CNTNAP2: variants seen among roughly 807,000 people sequenced by gnomAD.
CNTNAP2 encodes the protein contactin-associated protein-like 2.
In CNTNAP2, 98 loss-of-function variants were observed where a neutral mutation model predicts 155.2. That is an observed-to-expected ratio of 0.63 (90% CI 0.54 to 0.75). The LOEUF (loss-of-function observed/expected upper bound fraction) is 0.75, where lower values mean the gene tolerates loss of function less well. CNTNAP2 is among the 30% of genes least tolerant of loss of function. The pLI is 0.00. For missense variants in CNTNAP2, 1,727 were observed against 1,688.1 expected, an observed-to-expected ratio of 1.02 and a Z score of -0.40; for synonymous variants, 651 against 631.2, an observed-to-expected ratio of 1.03 and a Z score of -0.47.
chr7:147,201,189 A>G (rs1167009015), intron 8 of CNTNAP2, among the ~76,000 whole-genome samples: 1 of 152,240 alleles, frequency 6.6e-6, no homozygotes, highest in Non-Finnish European at 1.5e-5. Flanking sequence ...GGCCTACTCT[A>G]TATCTAAAAC....
At chr7:147,379,238 A>G (rs1312250790) in intron 9 of CNTNAP2, among the ~76,000 whole-genome samples, 1 of 152,066 alleles carries the variant, frequency 6.6e-6, no homozygotes, top group Non-Finnish European at 1.5e-5. Context: ...ATTACAGTAT[A>G]TCTTATTCTT....
intron 12 of CNTNAP2, among the ~76,000 whole-genome samples, chr7:147,604,025 G>A (rs1164155359): frequency 2.0e-5 from 3 of 152,088 alleles, no homozygotes; most frequent in African/African-American, 7.2e-5. Context: ...CCATATGTAG[G>A]AAGCTGAAAT....
chr7:146,982,160 C>T lies in CNTNAP2; in HGVS notation c.403-61747C>T, dbSNP rs76730058. On this transcript the variant is annotated intron_variant, in intron 3 of 23. Coordinates refer to ENST00000361727, the MANE Select transcript of CNTNAP2 (RefSeq NM_014141.6). ...GGCTGGTTTGGCCCATAGGCTATAACCCCTGGTATATAGAGCCATTAACAT... is the reference window on the plus strand; with the variant it reads ...GGCTGGTTTGGCCCATAGGCTATAATCCCTGGTATATAGAGCCATTAACAT... Among the ~76,000 whole-genome samples, 45 of 152,150 alleles carry T rather than the reference C, an allele frequency of 3.0e-4. 2 individuals carry two copies. In the East Asian group the frequency reaches 6.8e-3, roughly 23 times the overall value.
rs912628197 is a variant in CNTNAP2 at position 147,959,362 on chromosome 7, C to T, written c.2256-18500C>T. Among the ~76,000 whole-genome samples the T allele has an allele frequency of 1.3e-4, 20 of 152,176 alleles. 1 individual carries two copies. The South Asian group carries it at 2.7e-3, about 21-fold the overall frequency. The stretch of plus-strand genomic sequence containing the variant: ...CCAATGCTCAGGACACTGAATCCAG[C>T]TCAAGTACCCACCATGAGTTTGATG... On this transcript the variant is annotated intron_variant, in intron 14 of 23. Transcript: ENST00000361727.
chr7:146,562,507 C>T (rs1266437929), intron 1 of CNTNAP2, among the ~76,000 whole-genome samples: 1 of 152,036 alleles, frequency 6.6e-6, no homozygotes, highest in Non-Finnish European at 1.5e-5. Flanking sequence ...CATTTTAAGG[C>T]AAATACATAA....
chr7:146,771,838 T>C (rs374895177), intron 1 of CNTNAP2, among the ~76,000 whole-genome samples: 7 of 152,154 alleles, frequency 4.6e-5, no homozygotes, highest in African/African-American at 1.7e-4. Flanking sequence ...TGCTTATAAA[T>C]TTGAGAGAGA....
chr7:148,373,805 T>C (rs925848288), intron 21 of CNTNAP2, among the ~76,000 whole-genome samples: 20 of 152,208 alleles, frequency 1.3e-4, no homozygotes, highest in African/African-American at 4.6e-4. Flanking sequence ...GCAGTGAGAA[T>C]AGGTGTTGAC....
intron 3 of CNTNAP2, among the ~76,000 whole-genome samples, chr7:146,860,158 A>G (rs749655326): frequency 4.6e-5 from 7 of 152,244 alleles, no homozygotes; most frequent in Non-Finnish European, 1.0e-4. Flanking sequence ...AGTAATGGAT[A>G]TATATAGACT....
intron 4 of CNTNAP2, among the ~76,000 whole-genome samples, chr7:147,076,318 A>G (rs888534782): frequency 5.9e-5 from 9 of 152,090 alleles, no homozygotes; most frequent in Non-Finnish European, 8.8e-5. Flanking sequence ...GTTAATGAAC[A>G]CCATTCTAAC....
intron 2 of CNTNAP2, among the ~76,000 whole-genome samples, chr7:146,822,632 C>T (rs1408881269): frequency 3.4e-5 from 5 of 148,980 alleles, no homozygotes; most frequent in African/African-American, 7.3e-5. Flanking sequence ...GAAAACATTA[C>T]TTATCAAAAT....
At chr7:147,412,607 G>A (rs892294678) in intron 10 of CNTNAP2, among the ~76,000 whole-genome samples, 1 of 152,060 alleles carries the variant, frequency 6.6e-6, no homozygotes, top group Non-Finnish European at 1.5e-5. Context: ...TGCTTGATAC[G>A]CAATATGTTC....
At chr7:146,927,532 A>G (rs1796631647) in intron 3 of CNTNAP2, among the ~76,000 whole-genome samples, 1 of 151,930 alleles carries the variant, frequency 6.6e-6, no homozygotes, top group African/African-American at 2.4e-5. Flanking sequence ...TTTTGTGTAA[A>G]TACAATATAC....
intron 1 of CNTNAP2, among the ~76,000 whole-genome samples, chr7:146,514,550 G>C (rs7803357): frequency 6.6e-6 from 1 of 151,842 alleles, no homozygotes; most frequent in Non-Finnish European, 1.5e-5. Flanking sequence ...GTATTCTTTA[G>C]TTCCAGGATT....
chr7:147,092,586 A>G (rs1407973681), intron 4 of CNTNAP2, among the ~76,000 whole-genome samples: 1 of 152,198 alleles, frequency 6.6e-6, no homozygotes, highest in Non-Finnish European at 1.5e-5. Flanking sequence ...TCAATAAAAT[A>G]TTTGTTTTTA....
At chr7:146,133,102 A>T (rs891544358) in intron 1 of CNTNAP2, among the ~76,000 whole-genome samples, 6 of 149,564 alleles carry the variant, frequency 4.0e-5, no homozygotes, top group African/African-American at 1.5e-4. Context: ...AATGATTGCC[A>T]TTCTAACTGG....
At chr7:146,621,155 A>T (rs1439545427) in intron 1 of CNTNAP2, among the ~76,000 whole-genome samples, 2 of 152,162 alleles carry the variant, frequency 1.3e-5, no homozygotes, top group African/African-American at 2.4e-5. Flanking sequence ...ATTTTGTTAT[A>T]TGCTAACATA....
intron 3 of CNTNAP2, among the ~76,000 whole-genome samples, chr7:146,852,063 A>C (rs542995822): frequency 1.3e-5 from 2 of 152,258 alleles, no homozygotes; most frequent in Admixed American, 1.3e-4. Context: ...GTATGACCTC[A>C]TATTAACTAT....
At chr7:146,568,987 CTTT>C (rs1029752841) in intron 1 of CNTNAP2, among the ~76,000 whole-genome samples, 1 of 151,458 alleles carries the variant, frequency 6.6e-6, no homozygotes, top group African/African-American at 2.4e-5. Context: ...GTGGTTACTT[CTTT>C]TTATTTTTTT....
In CNTNAP2 at chr7:147,639,229, C is replaced by G; in HGVS notation, c.2021C>G (p.Ala674Gly). 1 of 1,614,078 alleles carries G rather than the reference C, an allele frequency of 6.2e-7. No individual in the cohort carries two copies. The highest frequency in any genetic ancestry group is 1.1e-5 in the South Asian group (1 of 91,082). Reference sequence around the variant, plus strand: ...AGCGCCTCCATGGACCAGATAAGTGCCATCACTGACAGTGCCGAGTACTGC... The same window carrying G: ...AGCGCCTCCATGGACCAGATAAGTGGCATCACTGACAGTGCCGAGTACTGC... ...VYSASMDQIS[A>G]ITDSAEYCEQ... Residue 674 changes from alanine to glycine, a missense_variant, in exon 13 of 24, where the codon GCC (alanine) becomes GGC (glycine). Coordinates refer to ENST00000361727, the MANE Select transcript of CNTNAP2 (RefSeq NM_014141.6).
Sources: allele counts gnomAD v4.1 joint callset (sites outside exome capture counted in the v4.1 genomes callset), GRCh38; gene constraint gnomAD v4.1.1; transcripts MANE v1.5; gene names NCBI Gene and HGNC (gene_info 2026-07-23, HGNC 2026-07-21).